The following CCDC144A variants were observed in gnomAD, a reference collection of about 807,000 sequenced individuals.
CCDC144A encodes coiled-coil domain containing 144A, also known as coiled-coil domain-containing protein 144A.
In CCDC144A, 41 loss-of-function variants were observed where a neutral mutation model predicts 143.8. That is an observed-to-expected ratio of 0.29 (90% CI 0.22 to 0.37). The LOEUF (loss-of-function observed/expected upper bound fraction) is 0.37. CCDC144A is among the 10% of genes least tolerant of loss of function. The pLI is 1.00. For synonymous variants in CCDC144A, 242 were observed against 517.9 expected (o/e 0.47, Z 7.23); for missense variants, 637 against 1,488.8 (o/e 0.43, Z 9.41).
At chr17:16,714,902 C>G (rs1236740971) in intron 6 of CCDC144A, among the ~76,000 whole-genome samples, 1 of 152,150 alleles carries the variant, frequency 6.6e-6, no homozygotes, top group Non-Finnish European at 1.5e-5. Flanking sequence ...TTATCTATCA[C>G]AGTTGCTTAA....
intron 12 of CCDC144A, among the ~76,000 whole-genome samples, chr17:16,759,280 C>G (rs1345947676): frequency 7.2e-5 from 11 of 152,200 alleles, no homozygotes; most frequent in Admixed American, 1.3e-4. Context: ...ACGATAATTT[C>G]CATTTACAGT....
chr17:16,724,395 G>C (rs1913267451), intron 8 of CCDC144A, among the ~76,000 whole-genome samples: 1 of 152,008 alleles, frequency 6.6e-6, no homozygotes, highest in Non-Finnish European at 1.5e-5. Context: ...AAATTAGCAG[G>C]GCGTGGTGGC....
chr17:16,681,152 T>C, the CCDC144A span, among the ~76,000 whole-genome samples: 1 of 152,046 alleles, frequency 6.6e-6, no homozygotes, highest in Non-Finnish European at 1.5e-5. Flanking sequence ...AGTTTACATA[T>C]ATAAAATATA....
chr17:16,676,040 G>A, the CCDC144A span, among the ~76,000 whole-genome samples: 1 of 151,878 alleles, frequency 6.6e-6, no homozygotes, highest in African/African-American at 2.4e-5. Flanking sequence ...GAGCCACTGC[G>A]CCCGGCCCAC....
At chr17:16,692,937 G>A (rs1911173334) in intron 1 of CCDC144A, 42 bp from the exon 2 acceptor site, 1 of 1,363,148 alleles carries the variant, frequency 7.3e-7, no homozygotes, top group Non-Finnish European at 9.9e-7. Context: ...TTTTTCATTT[G>A]TTTTAAAATA....
chr17:16,701,098 T>C (rs1285719259), intron 2 of CCDC144A, among the ~76,000 whole-genome samples: 2 of 152,176 alleles, frequency 1.3e-5, no homozygotes, highest in Non-Finnish European at 2.9e-5. Context: ...GTTACCTTGA[T>C]CTTTAGTGAT....
intron 12 of CCDC144A, among the ~76,000 whole-genome samples, chr17:16,759,527 C>A (rs1422051292): frequency 6.6e-6 from 1 of 151,742 alleles, no homozygotes; most frequent in Non-Finnish European, 1.5e-5. Flanking sequence ...TAGCTTATCT[C>A]TTGCATTGGT....
intron 15 of CCDC144A, among the ~76,000 whole-genome samples, chr17:16,767,835 G>T (rs1354547673): frequency 6.6e-6 from 1 of 152,220 alleles, no homozygotes; most frequent in African/African-American, 2.4e-5. Context: ...AGCATTTATT[G>T]CATCTCTCAC....
upstream of CCDC144A, among the ~76,000 whole-genome samples, chr17:16,688,368 C>A (rs1429254520): frequency 1.3e-5 from 2 of 151,788 alleles, no homozygotes; most frequent in Non-Finnish European, 2.9e-5. Flanking sequence ...CAGATGTGCA[C>A]ACGATATGTG....
chr17:16,706,475 T>C (rs1912067531), intron 3 of CCDC144A: 1 of 139,904 alleles, frequency 7.1e-6, no homozygotes, highest in Non-Finnish European at 1.5e-5. Flanking sequence ...GGTCCTGTCC[T>C]GCTGACCCAT....
intron 2 of CCDC144A, among the ~76,000 whole-genome samples, chr17:16,702,564 C>A (rs1034604346): frequency 1.3e-5 from 2 of 151,556 alleles, no homozygotes; most frequent in African/African-American, 4.9e-5. Context: ...AGCACAGCAC[C>A]CATAGACCTA....
chr17:16,698,230 A>T (rs1911530521), intron 2 of CCDC144A, among the ~76,000 whole-genome samples: 1 of 152,234 alleles, frequency 6.6e-6, no homozygotes, highest in South Asian at 2.1e-4. Flanking sequence ...AAGAAGCCTG[A>T]GCCGTGGCTA....
intron 2 of CCDC144A, among the ~76,000 whole-genome samples, chr17:16,697,237 A>G (rs1911468880): frequency 6.6e-6 from 1 of 152,080 alleles, no homozygotes; most frequent in African/African-American, 2.4e-5. Context: ...CAATCTGGTT[A>G]TGGTATAAAG....
the CCDC144A span, among the ~76,000 whole-genome samples, chr17:16,670,595 C>A: frequency 6.6e-6 from 1 of 152,012 alleles, no homozygotes; most frequent in Non-Finnish European, 1.5e-5. Context: ...GCAGCCTCAA[C>A]CTTTCAGGTT....
chr17:16,683,598 G>A, the CCDC144A span: 3 of 1,611,200 alleles, frequency 1.9e-6, no homozygotes, highest in Non-Finnish European at 2.5e-6. Context: ...GTTTCCTGCT[G>A]CCAGATTTAA....
At chr17:16,738,899 C>T (rs535680848) in intron 12 of CCDC144A, among the ~76,000 whole-genome samples, 5 of 152,158 alleles carry the variant, frequency 3.3e-5, no homozygotes, top group Admixed American at 1.3e-4. Flanking sequence ...CACCATTTTA[C>T]GTTCCCATCA....
rs546363468 is a variant in CCDC144A, at chr17:16,713,653, C to T, written c.1715+1838C>T. On this transcript the variant is annotated intron_variant, in intron 6 of 16. Transcript: ENST00000399273. ...CAAAATGATAATCAGCTTATATAAT[C>T]TAGAAATGTTCAAGAGGTCTTTTGG... Among the ~76,000 whole-genome samples, 583 of 152,076 alleles carry T rather than the reference C, an allele frequency of 3.8e-3. 6 individuals carry two copies. The highest frequency in any genetic ancestry group is 0.013 in the African/African-American group (555 of 41,498).
rs1350129622 is a variant in CCDC144A at position 16,709,337 on chromosome 17, C to G, written c.1280C>G (p.Thr427Ser). The G allele has an allele frequency of 1.2e-6, 2 of 1,611,424 alleles. No homozygotes were observed. Among genetic ancestry groups the G allele is most frequent in the Non-Finnish European group, 8.5e-7 (1 of 1,179,562 alleles). Residue 427 changes from threonine (T) to serine (S), a missense_variant, in exon 5 of 17, where the codon ACT becomes AGT. Thr to Ser is a moderately conservative substitution (Grantham distance 58, BLOSUM62 1). Transcript: ENST00000399273. ...AAGAACTTTCATAATGATGCAAGCA[C>G]TAAGAAAGCAAGGAACCCAGAAGTG... is the stretch of plus-strand genomic sequence containing the variant. Reference protein sequence around the residue: ...TDKNFHNDASTKKARNPEVVM... With the variant: ...TDKNFHNDASSKKARNPEVVM...
intron 12 of CCDC144A, among the ~76,000 whole-genome samples, chr17:16,753,430 T>TTTTTGTTGTTGTTGTTGTTG (rs1597585025): frequency 1.8e-4 from 12 of 66,946 alleles, no homozygotes; most frequent in South Asian, 7.6e-4. Context: ...GTTTTGTAGT[T>TTTTTGTTGTTGTTGTTGTTG]TTTTTTTTTT....
Sources: gnomAD v4.1 joint callset for allele counts (sites outside exome capture counted in the v4.1 genomes callset) on GRCh38, gnomAD v4.1.1 for gene constraint, MANE v1.5 for transcripts, NCBI Gene and HGNC (gene_info 2026-07-23, HGNC 2026-07-21) for gene names.